SYK: variants seen among roughly 807,000 people sequenced by gnomAD.
The protein encoded by SYK is spleen associated tyrosine kinase.
In SYK, 16 loss-of-function variants were observed where a neutral mutation model predicts 77.8. That is an observed-to-expected ratio of 0.21 (90% confidence interval 0.14 to 0.31). The LOEUF is 0.31. SYK is among the 10% of genes least tolerant of loss of function. The pLI is 1.00. For synonymous variants in SYK, 312 were observed against 308.7 expected, an observed-to-expected ratio of 1.01 and a Z score of -0.11; for missense variants, 529 against 814.4, an observed-to-expected ratio of 0.65 and a Z score of 4.26.
chr9:90,842,762 T>A (rs1382803316), intron 1 of SYK, among the ~76,000 whole-genome samples: 25 of 41,332 alleles, frequency 6.0e-4, no homozygotes, highest in Admixed American at 2.9e-3. Flanking sequence ...GGAGAGAGTG[T>A]GTGTGTGTGT....
intron 1 of SYK, among the ~76,000 whole-genome samples, chr9:90,817,143 G>T (rs2118364977): frequency 6.6e-6 from 1 of 152,128 alleles, no homozygotes; most frequent in South Asian, 2.1e-4. Context: ...TTTATGTGTG[G>T]CTCAAGACAA....
rs1564120857 is a variant in SYK, at chr9:90,884,398, CACATATGTGTATATATACATACAT to C, written c.1582-3349_1582-3326del. Among the ~76,000 whole-genome samples, 6 of 52,998 alleles carry C rather than the reference CACATATGTGTATATATACATACAT, an allele frequency of 1.1e-4. 1 individual carries two copies. The highest frequency in any genetic ancestry group is 2.6e-4 in the Non-Finnish European group (6 of 22,770). 34.8% of individuals were successfully genotyped at this position (52,998 alleles called of 152,430 possible). On this transcript the variant is annotated intron_variant, in intron 11 of 13. Coordinates refer to ENST00000375754, the MANE Select transcript of SYK (RefSeq NM_003177.7). ...ACATACGTGTATATATGCATACATA[CACATATGTGTATATATACATACAT>C]ATACACATATGTGTGTACATATACA...
chr9:90,873,114 A>G (rs1201591675), intron 7 of SYK, among the ~76,000 whole-genome samples: 1 of 152,218 alleles, frequency 6.6e-6, no homozygotes, highest in Non-Finnish European at 1.5e-5. Context: ...GAGTGGCGGT[A>G]GTGGTGCATT....
chr9:90,819,183 C>T (rs1825414419), intron 1 of SYK, among the ~76,000 whole-genome samples: 1 of 152,160 alleles, frequency 6.6e-6, no homozygotes, highest in Admixed American at 6.5e-5. Flanking sequence ...TTAGAAGTCA[C>T]TCAAAATGGA....
rs1829033254 is a variant in SYK, at chr9:90,897,451, G to A, written c.*1851G>A. On this transcript the variant is annotated 3_prime_UTR_variant, in exon 14 of 14. Transcript: ENST00000375754. ...ACAGGTGTAAAATTATGAAAGGAGT[G>A]GTTGGATGTGCCAAGTTTGGTAAAG... 1 of 232,302 alleles carries A rather than the reference G, an allele frequency of 4.3e-6. No homozygotes were observed. The allele number at this position is 232,302 out of a possible 1,614,324, so 14.4% of individuals were successfully genotyped here.
At chr9:90,845,687 C>T in intron 3 of SYK, 93 bp downstream of exon 3, 2 of 1,471,306 alleles carry the variant, frequency 1.4e-6, no homozygotes, top group Non-Finnish European at 9.2e-7. Flanking sequence ...CCCCACATGA[C>T]CCTGGGAAGA....
intron 1 of SYK, among the ~76,000 whole-genome samples, chr9:90,842,814 C>T (rs977128273): frequency 2.6e-5 from 4 of 150,946 alleles, no homozygotes; most frequent in South Asian, 2.1e-4. Flanking sequence ...GAGGGACATG[C>T]GCTTTGCTCC....
At chr9:90,854,499 G>C (rs1826945872) in intron 3 of SYK, among the ~76,000 whole-genome samples, 1 of 152,148 alleles carries the variant, frequency 6.6e-6, no homozygotes, top group African/African-American at 2.4e-5. Flanking sequence ...CTGCAGCTAA[G>C]TGGGCCTGAT....
At chr9:90,807,231 G>C (rs1824873547) in intron 1 of SYK, among the ~76,000 whole-genome samples, 1 of 152,176 alleles carries the variant, frequency 6.6e-6, no homozygotes, top group African/African-American at 2.4e-5. Context: ...GCCTCTTTGG[G>C]AAACCATGCA....
chr9:90,854,715 C>T (rs1826954888), intron 3 of SYK, among the ~76,000 whole-genome samples: 1 of 152,100 alleles, frequency 6.6e-6, no homozygotes, highest in Non-Finnish European at 1.5e-5. Flanking sequence ...TTGGTAGTCA[C>T]CCCTTCCCAA....
In SYK at chr9:90,895,424, C is replaced by T; in HGVS notation, c.1836-104C>T. 3 of 1,234,654 alleles carry T rather than the reference C, an allele frequency of 2.4e-6. No homozygotes were observed. Among genetic ancestry groups the T allele is most frequent in the Non-Finnish European group, 3.5e-6 (3 of 853,196 alleles). 76.5% of individuals were successfully genotyped at this position (1,234,654 alleles called of 1,614,324 possible). The stretch of plus-strand genomic sequence containing the variant: ...GAGCTGCAGGCCCTAGAGTTAGCCA[C>T]CAGGGAGCAGCACCACTGGTACTCA... On this transcript the variant is annotated intron_variant, in intron 13 of 13. Coordinates refer to ENST00000375754, the MANE Select transcript of SYK (RefSeq NM_003177.7). The surrounding 1 kb of genome is among the most constrained non-coding windows in gnomAD (Gnocchi z 4.4).
chr9:90,804,544 C>G (rs1346140909), intron 1 of SYK, among the ~76,000 whole-genome samples: 4 of 152,174 alleles, frequency 2.6e-5, no homozygotes, highest in Non-Finnish European at 5.9e-5. Context: ...CTGGTTTTAA[C>G]ATTTTCCACT....
At position 90,896,445 on chromosome 9, in the gene SYK, G is replaced by GCCTTCCTCTGAACGTGGTCCACA; in HGVS notation, c.*855_*877dup. 1 of 233,248 alleles carries GCCTTCCTCTGAACGTGGTCCACA rather than the reference G, an allele frequency of 4.3e-6. No individual in the cohort carries two copies. The highest frequency in any genetic ancestry group is 8.5e-6 in the Non-Finnish European group (1 of 118,024). 14.4% of individuals were successfully genotyped at this position (233,248 alleles called of 1,614,324 possible). ...ATCTCACTGAGGACAGCTTCAGGCT[G>GCCTTCCTCTGAACGTGGTCCACA]CCTTCCTCTGAACGTGGTCCACACC... On this transcript the variant is annotated 3_prime_UTR_variant, in exon 14 of 14. Coordinates refer to ENST00000375754, the MANE Select transcript of SYK (RefSeq NM_003177.7).
intron 3 of SYK, among the ~76,000 whole-genome samples, chr9:90,857,512 G>A (rs1254168602): frequency 3.9e-5 from 6 of 152,226 alleles, no homozygotes; most frequent in Non-Finnish European, 5.9e-5. Context: ...AAACAGCTTG[G>A]TGTGGCCTCA....
intron 1 of SYK, among the ~76,000 whole-genome samples, chr9:90,828,817 C>T (rs1825773261): frequency 6.6e-6 from 1 of 152,164 alleles, no homozygotes; most frequent in Non-Finnish European, 1.5e-5. Flanking sequence ...GGCCCGGTCA[C>T]CAGCACAGCA....
chr9:90,824,443 A>G (rs1036014088), intron 1 of SYK, among the ~76,000 whole-genome samples: 5 of 152,162 alleles, frequency 3.3e-5, no homozygotes, highest in African/African-American at 9.7e-5. Context: ...AAACAAAGCA[A>G]TATTACTTAT....
chr9:90,879,008 A>C (rs1828048609), intron 11 of SYK, 55 bp downstream of exon 11: 1 of 1,316,812 alleles, frequency 7.6e-7, no homozygotes, highest in Non-Finnish European at 1.1e-6. Flanking sequence ...ATGCAAGATA[A>C]ATGTACGTTT....
At chr9:90,826,703 C>T (rs1825677850) in intron 1 of SYK, among the ~76,000 whole-genome samples, 4 of 152,116 alleles carry the variant, frequency 2.6e-5, no homozygotes. Context: ...AGCTTCTGGC[C>T]CTTCTTGAGT....
intron 3 of SYK, among the ~76,000 whole-genome samples, chr9:90,850,969 C>T (rs906129377): frequency 2.0e-5 from 3 of 152,134 alleles, no homozygotes; most frequent in African/African-American, 4.8e-5. Flanking sequence ...CTGTCCAACT[C>T]GGATCCCAGT....
Sources: allele counts gnomAD v4.1 joint callset (sites outside exome capture counted in the v4.1 genomes callset), GRCh38; gene constraint gnomAD v4.1.1; non-coding constraint Gnocchi (gnomAD v3.1); transcripts MANE v1.5; gene names NCBI Gene and HGNC (gene_info 2026-07-23, HGNC 2026-07-21).